The following KY variants were observed in gnomAD, a reference collection of about 807,000 sequenced individuals.
The protein encoded by KY is kyphoscoliosis peptidase.
Under a neutral mutation model 76.1 loss-of-function variants are expected in KY, and 43 were observed. The observed-to-expected ratio is 0.57, with a 90% CI of 0.44 to 0.73. The LOEUF (loss-of-function observed/expected upper bound fraction) is 0.73, where lower values mean the gene tolerates loss of function less well. Among genes scored for constraint, KY ranks in the 30% least tolerant of loss-of-function variants. The pLI is 0.00. For synonymous variants in KY, 277 were observed against 326.2 expected, an observed-to-expected ratio of 0.85 and a Z score of 1.63; for missense variants, 722 against 828.9, an observed-to-expected ratio of 0.87 and a Z score of 1.58.
chr3:134,637,660 C>T (rs1301005012), intron 3 of KY, among the ~76,000 whole-genome samples: 3 of 152,226 alleles, frequency 2.0e-5, no homozygotes, highest in East Asian at 1.9e-4. Flanking sequence ...TACTTTCACA[C>T]GCACATCTGA....
chr3:134,608,593 C>T (rs1054454416), intron 10 of KY, 56 bp downstream of exon 10: 1 of 1,613,576 alleles, frequency 6.2e-7, no homozygotes, highest in Non-Finnish European at 8.5e-7. Context: ...TCCTGGAGGA[C>T]AGTGCGAAAT....
intron 3 of KY, among the ~76,000 whole-genome samples, chr3:134,636,018 G>C (rs1029104290): frequency 6.6e-6 from 1 of 152,128 alleles, no homozygotes; most frequent in East Asian, 1.9e-4. Context: ...ATCCATATAA[G>C]CAATCCCTTT....
intron 7 of KY, 112 bp from the exon 8 acceptor site, chr3:134,619,377 G>A (rs777523797): frequency 5.1e-6 from 4 of 779,558 alleles, no homozygotes; most frequent in South Asian, 2.8e-5. Flanking sequence ...ACTACAGTGG[G>A]CTGAATGGAA....
chr3:134,605,678 G>A lies in KY; in HGVS notation c.1091-1204C>T, dbSNP rs1007535393. On this transcript the variant is annotated intron_variant, in intron 10 of 10. Transcript: ENST00000423778. ...CTACACTCCCACACATCCCCCCACT[G>A]CCTCCATTTCCCCTCTGCCGGTCAG... 2.7e-5 allele frequency among the ~76,000 whole-genome samples: 4 copies of A among 150,656 alleles called. No homozygotes were observed. The East Asian group carries it at 7.9e-4, about 30-fold the overall frequency.
chr3:134,604,570 C>T lies in KY; in HGVS notation c.1091-96G>A, dbSNP rs1050652061. On this transcript the variant is annotated intron_variant, in intron 10 of 10. Coordinates refer to ENST00000423778, the MANE Select transcript of KY (RefSeq NM_178554.6). ...ACTGTCTCCCTGGGAGAAAAACGTC[C>T]TGACTTATAGAGCTTGTCTATTTCC... 2.3e-5 allele frequency: 25 copies of T among 1,080,218 alleles called. No individual in the cohort carries two copies. The Admixed American group carries it at 5.1e-4, about 22-fold the overall frequency. The allele number at this position is 1,080,218 out of a possible 1,614,324, so 66.9% of individuals were successfully genotyped here.
chr3:134,627,404 C>T (rs534230964), intron 5 of KY, among the ~76,000 whole-genome samples: 1 of 152,340 alleles, frequency 6.6e-6, no homozygotes, highest in East Asian at 1.9e-4. Context: ...TCCTCTGCTT[C>T]ACTCTGCTTA....
rs1959112090 is a variant in KY, at chr3:134,604,513, G to A, written c.1091-39C>T. 4.6e-6 allele frequency: 7 copies of A among 1,537,346 alleles called. No individual in the cohort carries two copies. In the South Asian group the frequency reaches 4.9e-5, roughly 11 times the overall value. ...GTCAGGGTCAGCAGAGATGGGTCCAGCACGTGCTGATGTGCTGGTAAATGT... is the reference window on the plus strand; with the variant it reads ...GTCAGGGTCAGCAGAGATGGGTCCAACACGTGCTGATGTGCTGGTAAATGT... On this transcript the variant is annotated intron_variant, in intron 10 of 10. Transcript: ENST00000423778.
rs1230102168 is a variant in KY, at chr3:134,650,697, A to G, written c.136+128T>C. The G allele has an allele frequency of 4.8e-6, 4 of 833,386 alleles. No homozygotes were observed. The East Asian group carries it at 8.9e-5, about 18-fold the overall frequency. The allele number at this position is 833,386 out of a possible 1,614,324, so 51.6% of individuals were successfully genotyped here. ...CCACTGCGGGGAAGCGACGGCAGCCATGGGGGAGAGGGTCGGGTTCGCTGA... is the reference window on the plus strand; with the variant it reads ...CCACTGCGGGGAAGCGACGGCAGCCGTGGGGGAGAGGGTCGGGTTCGCTGA... On this transcript the variant is annotated intron_variant, in intron 1 of 10. Transcript: ENST00000423778.
intron 3 of KY, among the ~76,000 whole-genome samples, chr3:134,630,612 C>T (rs1964083733): frequency 6.6e-6 from 1 of 152,148 alleles, no homozygotes; most frequent in Non-Finnish European, 1.5e-5. Flanking sequence ...TAGATCTCAT[C>T]CTAAACATCA....
intron 5 of KY, among the ~76,000 whole-genome samples, chr3:134,625,966 T>C (rs570673644): frequency 2.0e-5 from 3 of 152,344 alleles, no homozygotes; most frequent in Admixed American, 6.5e-5. Context: ...AGAGCCATAA[T>C]CAGCTATTGC....
intron 1 of KY, among the ~76,000 whole-genome samples, chr3:134,648,953 T>C (rs1297638710): frequency 1.3e-5 from 2 of 152,152 alleles, no homozygotes. Context: ...CTTGCACCCA[T>C]GGGAGGCTTT....
chr3:134,610,004 T>C (rs1017561053), intron 9 of KY, among the ~76,000 whole-genome samples, 191 bp downstream of exon 9: 7 of 151,834 alleles, frequency 4.6e-5, no homozygotes, highest in African/African-American at 1.7e-4. Flanking sequence ...GAGGGTGAGG[T>C]GACAAAAGGG....
intron 10 of KY, chr3:134,607,150 C>T (rs1456897822): frequency 1.0e-5 from 10 of 985,300 alleles, no homozygotes; most frequent in Middle Eastern, 5.2e-4. Flanking sequence ...GATATTTCCA[C>T]GGCCTATGAT....
At chr3:134,609,712 C>T (rs1445408259) in intron 9 of KY, among the ~76,000 whole-genome samples, 1 of 152,174 alleles carries the variant, frequency 6.6e-6, no homozygotes, top group Non-Finnish European at 1.5e-5. Flanking sequence ...CAATAGCACC[C>T]CTTCCCCAAA....
intron 6 of KY, among the ~76,000 whole-genome samples, chr3:134,623,422 C>G (rs540811830): frequency 6.6e-6 from 1 of 152,308 alleles, no homozygotes; most frequent in South Asian, 2.1e-4. Context: ...TCCTCCCCTC[C>G]TGCTTCAGCC....
chr3:134,638,555 G>T (rs1421129332), intron 3 of KY, among the ~76,000 whole-genome samples: 1 of 152,166 alleles, frequency 6.6e-6, no homozygotes, highest in East Asian at 1.9e-4. Context: ...AGCTTTGACC[G>T]TCTTAGTTAA....
chr3:134,649,067 C>T (rs1247672615), intron 1 of KY, among the ~76,000 whole-genome samples: 2 of 152,138 alleles, frequency 1.3e-5, no homozygotes, highest in Non-Finnish European at 2.9e-5. Context: ...TCATCTCTGC[C>T]CACCAGGCAT....
intron 8 of KY, among the ~76,000 whole-genome samples, chr3:134,613,821 A>G (rs1960993121): frequency 6.6e-6 from 1 of 152,198 alleles, no homozygotes; most frequent in Non-Finnish European, 1.5e-5. Flanking sequence ...CTCTGTATGT[A>G]TAAGACGATG....
rs778117321 is a variant in KY, at chr3:134,650,842, A to T, written c.119T>A (p.Leu40Gln). 3.9e-5 allele frequency: 63 copies of T among 1,604,622 alleles called. No individual in the cohort carries two copies. Among genetic ancestry groups the T allele is most frequent in the Non-Finnish European group, 4.9e-5 (58 of 1,174,702 alleles). The change falls in exon 1 of 11, where the codon CTG becomes CAG. Residue 40 changes from leucine to glutamine, a missense_variant. By Grantham distance (113) the Leu-to-Gln change is moderately radical. Coordinates refer to ENST00000423778, the MANE Select transcript of KY (RefSeq NM_178554.6). ...LSDQQANPSS[L>Q]LQRGGGFQGV... ...CGCGTTACCTCCTCCGCGCTGCAGC[A>T]GCGAGCTCGGGTTCGCCTGCTGGTC...
Sources: allele counts gnomAD v4.1 joint callset (sites outside exome capture counted in the v4.1 genomes callset), GRCh38; gene constraint gnomAD v4.1.1; transcripts MANE v1.5; gene names NCBI Gene and HGNC (gene_info 2026-07-23, HGNC 2026-07-21).